The following FOXP1 variants were observed in gnomAD, a reference collection of about 807,000 sequenced individuals.
The protein encoded by FOXP1 is forkhead box protein P1.
A neutral mutation model predicts 98.2 loss-of-function variants in FOXP1; 15 were observed. The ratio of observed to expected loss-of-function variants is 0.15; its 90% CI spans 0.10 to 0.24. FOXP1 has a LOEUF of 0.24. FOXP1 is among the 10% of genes least tolerant of loss of function. The pLI, the probability that FOXP1 is intolerant of heterozygous loss-of-function variation, is 1.00. For missense variants in FOXP1, 633 were observed against 848.5 expected (o/e 0.75, Z 3.15); for synonymous variants, 371 against 314.5 (o/e 1.18, Z -1.90).
chr3:71,227,072 C>A (rs993836826), intron 5 of FOXP1, among the ~76,000 whole-genome samples: 1 of 152,058 alleles, frequency 6.6e-6, no homozygotes, highest in Non-Finnish European at 1.5e-5. Flanking sequence ...GCGGTTCTAG[C>A]GATGCAGTGG....
At chr3:71,357,591 C>T (rs2078250482) in intron 4 of FOXP1, among the ~76,000 whole-genome samples, 1 of 152,196 alleles carries the variant, frequency 6.6e-6, no homozygotes, top group African/African-American at 2.4e-5. Flanking sequence ...TCTAAGGATG[C>T]ATTTCCCAGA....
intron 6 of FOXP1, among the ~76,000 whole-genome samples, chr3:71,196,600 C>G (rs901190250): frequency 3.9e-5 from 6 of 152,210 alleles, no homozygotes; most frequent in Non-Finnish European, 7.3e-5. Flanking sequence ...AATCTTGACA[C>G]TTGTCTGGTA....
chr3:71,185,988 C>A (rs1201125015), intron 6 of FOXP1, among the ~76,000 whole-genome samples: 1 of 152,212 alleles, frequency 6.6e-6, no homozygotes, highest in African/African-American at 2.4e-5. Context: ...ATATACATCT[C>A]TTCTACAGTT....
intron 6 of FOXP1, among the ~76,000 whole-genome samples, chr3:71,182,538 A>G (rs201054598): frequency 0.046 from 3,989 of 86,470 alleles, 221 homozygotes; most frequent in African/African-American, 0.18. Flanking sequence ...GTGTGTATAT[A>G]TGTATATATT....
At chr3:71,531,751 A>G (rs1323929393) in intron 2 of FOXP1, among the ~76,000 whole-genome samples, 1 of 152,218 alleles carries the variant, frequency 6.6e-6, no homozygotes, top group African/African-American at 2.4e-5. Context: ...CAACAAGTTG[A>G]AACCTACATG....
intron 3 of FOXP1, among the ~76,000 whole-genome samples, chr3:71,380,562 C>T (rs1426245638): frequency 6.6e-6 from 1 of 152,156 alleles, no homozygotes; most frequent in Admixed American, 6.5e-5. Flanking sequence ...GCATTGAGCA[C>T]GAAACATTTT....
At chr3:71,329,003 A>AAAAAAAAAAC (rs2076116698) in intron 4 of FOXP1, among the ~76,000 whole-genome samples, 1 of 143,846 alleles carries the variant, frequency 7.0e-6, no homozygotes, top group East Asian at 2.1e-4. Context: ...AAAAAAAAAA[A>AAAAAAAAAAC]CTGACAGTTT....
At chr3:71,172,439 C>T (rs2061697306) in intron 6 of FOXP1, among the ~76,000 whole-genome samples, 1 of 152,140 alleles carries the variant, frequency 6.6e-6, no homozygotes, top group Non-Finnish European at 1.5e-5. Flanking sequence ...AAATCGCATC[C>T]AATAATGGTG....
intron 2 of FOXP1, among the ~76,000 whole-genome samples, chr3:71,579,158 T>A (rs147597715): frequency 4.3e-4 from 65 of 152,320 alleles, no homozygotes; most frequent in African/African-American, 1.3e-3. Context: ...CTTCTGTATG[T>A]GTTTACTTAT....
chr3:71,125,168 G>A (rs2059072560), intron 6 of FOXP1, among the ~76,000 whole-genome samples: 1 of 152,204 alleles, frequency 6.6e-6, no homozygotes, highest in Non-Finnish European at 1.5e-5. Context: ...AGGGGGAGAT[G>A]ATGATACTGG....
chr3:71,420,537 A>G (rs2083557271), intron 3 of FOXP1, among the ~76,000 whole-genome samples: 1 of 152,188 alleles, frequency 6.6e-6, no homozygotes, highest in South Asian at 2.1e-4. Flanking sequence ...ACACATAAAC[A>G]CATACAGATA....
intron 14 of FOXP1, among the ~76,000 whole-genome samples, chr3:70,980,677 G>A (rs554144377): frequency 3.9e-4 from 59 of 152,212 alleles, no homozygotes; most frequent in Admixed American, 5.2e-4. Flanking sequence ...AAAAGATTCC[G>A]TGCAGAGCAT....
intron 7 of FOXP1, among the ~76,000 whole-genome samples, chr3:71,062,485 A>C (rs1314821103): frequency 6.6e-6 from 1 of 152,320 alleles, no homozygotes; most frequent in South Asian, 2.1e-4. Context: ...TTCCAGAGAA[A>C]GAAGAAAAAA....
In FOXP1 at chr3:71,208,017, G is replaced by A. The variant is rs548485744; in HGVS notation, c.-11-9625C>T. On this transcript the variant is annotated intron_variant, in intron 5 of 20. Transcript: ENST00000649528. ...AAAATACATTATGCATATTAACTGTGTAGTTTCTTCCCAGTTAAAATATCT... is the reference window on the plus strand; with the variant it reads ...AAAATACATTATGCATATTAACTGTATAGTTTCTTCCCAGTTAAAATATCT... Among the ~76,000 whole-genome samples, 5 of 152,352 alleles carry A rather than the reference G, an allele frequency of 3.3e-5. No homozygotes were observed. In the South Asian group the frequency reaches 6.2e-4, roughly 19 times the overall value.
chr3:71,015,093 A>G (rs907288496), intron 12 of FOXP1, among the ~76,000 whole-genome samples: 2 of 152,036 alleles, frequency 1.3e-5, no homozygotes, highest in Non-Finnish European at 2.9e-5. Context: ...CATATGTAAC[A>G]AACCTGCATG....
intron 13 of FOXP1, among the ~76,000 whole-genome samples, chr3:70,988,932 G>A (rs1369024437): frequency 6.6e-6 from 1 of 152,134 alleles, no homozygotes; most frequent in African/African-American, 2.4e-5. Flanking sequence ...GTGGCATTTA[G>A]GGAAGATGGA....
At chr3:70,968,859 G>A (rs1443775662) in intron 19 of FOXP1, 8 of 152,196 alleles carry the variant, frequency 5.3e-5, no homozygotes, top group African/African-American at 1.9e-4. Context: ...TGTCTTATGT[G>A]TCTGTCTACT....
chr3:71,293,874 C>T (rs1157319613), intron 5 of FOXP1, among the ~76,000 whole-genome samples: 2 of 152,120 alleles, frequency 1.3e-5, no homozygotes, highest in Non-Finnish European at 2.9e-5. Context: ...GTAATTTTTC[C>T]CCAGTTCTGT....
chr3:71,081,598 C>T (rs1183875299), intron 7 of FOXP1, among the ~76,000 whole-genome samples: 1 of 152,172 alleles, frequency 6.6e-6, no homozygotes, highest in African/African-American at 2.4e-5. Flanking sequence ...TAATCAGCCT[C>T]CAACACTTAG....
Sources: allele counts gnomAD v4.1 joint callset (sites outside exome capture counted in the v4.1 genomes callset), GRCh38; gene constraint gnomAD v4.1.1; transcripts MANE v1.5; gene names NCBI Gene and HGNC (gene_info 2026-07-23, HGNC 2026-07-21).